Variants in PAICS observed in about 807,000 individuals in gnomAD.
PAICS encodes the protein bifunctional phosphoribosylaminoimidazole carboxylase/phosphoribosylaminoimidazole succinocarboxamide synthetase.
Under a neutral mutation model 53.7 loss-of-function variants are expected in PAICS, and 33 were observed. That is an observed-to-expected ratio of 0.61 (90% CI 0.47 to 0.82). PAICS has a LOEUF of 0.82. Among genes scored for constraint, PAICS ranks in the 40% least tolerant of loss-of-function variants. The probability of loss-of-function intolerance (pLI) is 0.00; values close to 1 mark genes in which losing one functional copy is unlikely to be tolerated. For synonymous variants in PAICS, 141 were observed against 167.2 expected (o/e 0.84, Z 1.21); for missense variants, 394 against 494.1 (o/e 0.80, Z 1.92).
chr4:56,444,040 A>T (rs929422184), intron 2 of PAICS, among the ~76,000 whole-genome samples: 1 of 152,120 alleles, frequency 6.6e-6, no homozygotes, highest in Non-Finnish European at 1.5e-5. Flanking sequence ...ATTAAACCTT[A>T]TGTAATTTTT....
chr4:56,423,224 A>T, the PAICS span: 1 of 152,200 alleles, frequency 6.6e-6, no homozygotes, highest in Non-Finnish European at 1.5e-5. Context: ...TAGTTAATCA[A>T]ATTTCCTATA....
chr4:56,441,898 C>T, intron 2 of PAICS, 38 bp downstream of exon 2: 2 of 1,368,002 alleles, frequency 1.5e-6, no homozygotes, highest in Non-Finnish European at 2.0e-6. Flanking sequence ...CTCACCTTCT[C>T]TGGTAAGCAT....
chr4:56,436,224 C>T (rs1374646096), upstream of PAICS: 10 of 1,538,632 alleles, frequency 6.5e-6, no homozygotes, highest in South Asian at 1.2e-5. Flanking sequence ...GCCTCCTTCC[C>T]CGCCCAGCGA....
chr4:56,454,708 C>T (rs920258267), intron 8 of PAICS, among the ~76,000 whole-genome samples: 2 of 151,868 alleles, frequency 1.3e-5, no homozygotes, highest in Admixed American at 6.6e-5. Context: ...TAAACATGCT[C>T]TTCCATTCCC....
At chr4:56,436,377 C>A in intron 1 of PAICS, 49 bp downstream of exon 1, 1 of 1,391,956 alleles carries the variant, frequency 7.2e-7, no homozygotes, top group Non-Finnish European at 1.0e-6. Flanking sequence ...ACCCCCAGGC[C>A]GTGAGCTCGC....
At chr4:56,447,112 A>C (rs566404473) in intron 3 of PAICS, among the ~76,000 whole-genome samples, 1 of 151,716 alleles carries the variant, frequency 6.6e-6, no homozygotes, top group Admixed American at 6.6e-5. Flanking sequence ...CAAGATGACT[A>C]ACAGGAAGAA....
intron 1 of PAICS, among the ~76,000 whole-genome samples, chr4:56,441,445 C>T (rs1346002571): frequency 6.6e-6 from 1 of 152,140 alleles, no homozygotes; most frequent in Non-Finnish European, 1.5e-5. Flanking sequence ...CTAATTTCTA[C>T]AATTATTTAT....
At chr4:56,444,798 C>T (rs932469592) in intron 2 of PAICS, among the ~76,000 whole-genome samples, 4 of 151,906 alleles carry the variant, frequency 2.6e-5, no homozygotes, top group South Asian at 2.1e-4. Flanking sequence ...TTGGGATTGG[C>T]GGGGGGATCT....
chr4:56,434,378 T>C (rs1352277776), upstream of PAICS, among the ~76,000 whole-genome samples: 1 of 152,252 alleles, frequency 6.6e-6, no homozygotes, highest in Non-Finnish European at 1.5e-5. Context: ...TTAACTGTAG[T>C]GTAAGTTGTT....
chr4:56,458,816 G>A (rs1719356416), intron 8 of PAICS, among the ~76,000 whole-genome samples: 1 of 152,052 alleles, frequency 6.6e-6, no homozygotes, highest in African/African-American at 2.4e-5. Context: ...TGGCCCCTAG[G>A]ATGTTACTTT....
the PAICS span, among the ~76,000 whole-genome samples, chr4:56,427,241 C>T: frequency 2.6e-5 from 4 of 152,200 alleles, no homozygotes; most frequent in South Asian, 4.1e-4. Flanking sequence ...TGGGTATATA[C>T]CCAGAAGCGA....
At position 56,461,046 on chromosome 4, in the gene PAICS, A is replaced by G. The variant is rs1451696508; in HGVS notation, c.*1508A>G. The G allele has an allele frequency of 6.6e-6, 1 of 152,194 alleles. No homozygotes were observed. Among genetic ancestry groups the G allele is most frequent in the African/African-American group, 2.4e-5 (1 of 41,450 alleles). 9.4% of individuals were successfully genotyped at this position (152,194 alleles called of 1,614,324 possible). A position where few individuals can be genotyped will look rare whatever the true frequency, so the allele number is the denominator to read the frequency against. On this transcript the variant is annotated 3_prime_UTR_variant, in exon 9 of 9. Coordinates refer to ENST00000512576, the MANE Select transcript of PAICS (RefSeq NM_001079524.2). The stretch of plus-strand genomic sequence containing the variant: ...TCCTCGTAATTTTGGACTGCCACAC[A>G]TTGGTACCTTTAGTTCTCTGAAGGC...
Position 56,441,817 on chromosome 4 carries a change from A to C in PAICS, c.171A>C (p.Ser57=), listed in dbSNP as rs1400691184. 2 of 1,599,534 alleles carry C rather than the reference A, an allele frequency of 1.3e-6. No homozygotes were observed. The highest frequency in any genetic ancestry group is 1.7e-6 in the Non-Finnish European group (2 of 1,172,670). Residue 57 remains serine (S), a synonymous_variant, in exon 2 of 9, where the codon TCA becomes TCC. Transcript: ENST00000512576. The part of the protein sequence containing the change: ...KNHLEGKAAI[S]NKITSCIFQL... ...ACCTGGAAGGAAAAGCTGCAATCTCAAATAAAATCACCAGTTGTATTTTTC... is the reference window on the plus strand; with the variant it reads ...ACCTGGAAGGAAAAGCTGCAATCTCCAATAAAATCACCAGTTGTATTTTTC...
intron 6 of PAICS, among the ~76,000 whole-genome samples, chr4:56,451,671 T>C (rs941132694): frequency 6.6e-6 from 1 of 152,214 alleles, no homozygotes; most frequent in African/African-American, 2.4e-5. Flanking sequence ...TTGAATTCTT[T>C]AGGTCTTGAT....
intron 3 of PAICS, 113 bp from the exon 4 acceptor site, chr4:56,448,305 G>A (rs1026362095): frequency 1.4e-5 from 10 of 691,632 alleles, no homozygotes; most frequent in African/African-American, 1.8e-5. Context: ...ATGCCCGGCT[G>A]TGGCTAAAAA....
chr4:56,436,665 CCTTT>C, intron 1 of PAICS: 1 of 575,094 alleles, frequency 1.7e-6, no homozygotes, highest in Non-Finnish European at 3.3e-6. Flanking sequence ...AGGTTAATGA[CCTTT>C]CTAAGAAGGT....
chr4:56,440,543 C>A (rs892433096), intron 1 of PAICS, among the ~76,000 whole-genome samples: 12 of 152,156 alleles, frequency 7.9e-5, no homozygotes, highest in Admixed American at 7.2e-4. Flanking sequence ...CCAGCTCCAA[C>A]CAGACTGAAG....
At chr4:56,449,550 G>A (rs1718790763) in intron 5 of PAICS, among the ~76,000 whole-genome samples, 2 of 152,228 alleles carry the variant, frequency 1.3e-5, no homozygotes, top group South Asian at 4.1e-4. Flanking sequence ...TCATTCTACT[G>A]TAAAGACACG....
intron 2 of PAICS, among the ~76,000 whole-genome samples, chr4:56,444,798 C>CG (rs1311403736): frequency 6.6e-5 from 10 of 152,024 alleles, no homozygotes; most frequent in South Asian, 2.1e-4. Flanking sequence ...TTGGGATTGG[C>CG]GGGGGGATCT....
Sources: allele counts gnomAD v4.1 joint callset (sites outside exome capture counted in the v4.1 genomes callset), GRCh38; gene constraint gnomAD v4.1.1; transcripts MANE v1.5; gene names NCBI Gene and HGNC (gene_info 2026-07-23, HGNC 2026-07-21).